The following TICRR variants were observed in gnomAD, a reference collection of about 807,000 sequenced individuals.
TICRR encodes treslin.
A neutral mutation model predicts 178.1 loss-of-function variants in TICRR; 132 were observed. The observed-to-expected ratio is 0.74, with a 90% CI of 0.64 to 0.86. The LOEUF (loss-of-function observed/expected upper bound fraction) is 0.86. TICRR is among the 40% of genes least tolerant of loss of function. The pLI is 0.00. For synonymous variants in TICRR, 991 were observed against 900.7 expected, an observed-to-expected ratio of 1.10 and a Z score of -1.79; for missense variants, 2,587 against 2,334.3, an observed-to-expected ratio of 1.11 and a Z score of -2.23.
chr15:89,624,372 C>T lies in TICRR; in HGVS notation c.4062C>T (p.Ser1354=), dbSNP rs751126704. The T allele has an allele frequency of 3.1e-6, 5 of 1,614,156 alleles. No homozygotes were observed. The South Asian group carries it at 5.5e-5, about 18-fold the overall frequency. The change falls in exon 20 of 22, where the codon TCC becomes TCT. Residue 1354 remains serine, a synonymous_variant. Transcript: ENST00000268138. ...QMSPSVAASL[S]CPVPSTPPEL... The stretch of plus-strand genomic sequence containing the variant: ...CACCCAGCGTAGCTGCATCTCTCTC[C>T]TGCCCTGTTCCCTCAACTCCCCCTG...
chr15:89,583,482 A>G (rs970076662), intron 2 of TICRR, among the ~76,000 whole-genome samples: 1 of 152,210 alleles, frequency 6.6e-6, no homozygotes, highest in Non-Finnish European at 1.5e-5. Flanking sequence ...CAGAAATAAT[A>G]CTTTATAGAG....
chr15:89,609,100 C>CTTTTT (rs59398617), intron 15 of TICRR, 151 bp downstream of exon 15: 1,063 of 84,860 alleles, frequency 0.013, 169 homozygotes, highest in East Asian at 0.028. Context: ...TTTTGTTAAT[C>CTTTTT]TTTTTTTTTT....
intron 4 of TICRR, among the ~76,000 whole-genome samples, chr15:89,589,714 A>C (rs1160099207): frequency 6.6e-6 from 1 of 152,190 alleles, no homozygotes; most frequent in Non-Finnish European, 1.5e-5. Context: ...CTGTGATGTG[A>C]AGTTTCTTTT....
At chr15:89,578,738 G>A (rs143488134) in intron 1 of TICRR, among the ~76,000 whole-genome samples, 3 of 151,578 alleles carry the variant, frequency 2.0e-5, no homozygotes, top group Admixed American at 1.3e-4. Flanking sequence ...ATGTACCGTC[G>A]ACTGAGGGGA....
At chr15:89,602,613 C>T (rs1394400496) in intron 12 of TICRR, among the ~76,000 whole-genome samples, 183 bp from the exon 13 acceptor site, 3 of 152,016 alleles carry the variant, frequency 2.0e-5, no homozygotes. Flanking sequence ...TTGTTCATAA[C>T]TGGTTGAATT....
Position 89,616,446 on chromosome 15 carries a change from G to T in TICRR, c.2911G>T (p.Val971Leu), listed in dbSNP as rs1291353449. The T allele has an allele frequency of 1.9e-6, 3 of 1,614,080 alleles. No homozygotes were observed. The highest frequency in any genetic ancestry group is 2.2e-5 in the East Asian group (1 of 44,892). Residue 971 changes from valine (V) to leucine (L), a missense_variant, in exon 16 of 22, where the codon GTG becomes TTG. Coordinates refer to ENST00000268138, the MANE Select transcript of TICRR (RefSeq NM_152259.4). ...LLTKSVAETP[V>L]HKQISKRLLH... is the part of the protein sequence containing the mutation. ...GACTAAGAGTGTGGCCGAGACTCCA[G>T]TGCATAAGCAGATCTCCAAAAGGCT...
At chr15:89,581,317 A>G (rs1030251273) in intron 1 of TICRR, among the ~76,000 whole-genome samples, 2 of 152,182 alleles carry the variant, frequency 1.3e-5, no homozygotes. Context: ...TTGTTGTTAT[A>G]CTGTGATGCC....
chr15:89,578,780 C>A lies in TICRR; in HGVS notation c.654+2540C>A, dbSNP rs146242717. On this transcript the variant is annotated intron_variant, in intron 1 of 21. Transcript: ENST00000268138. ...ATCTCTGAGGCTTCCCTTCTTACAT[C>A]GGCTGTATCCCCTAAGAAAATGCCC... Among the ~76,000 whole-genome samples the A allele has an allele frequency of 1.0e-3, 156 of 152,128 alleles. 2 individuals are homozygous for A. Among genetic ancestry groups the A allele is most frequent in the African/African-American group, 3.6e-3 (151 of 41,506 alleles).
rs375001118 is a variant in TICRR, at chr15:89,619,879, C to T, written c.3154+37C>T. 104 of 1,566,582 alleles carry T rather than the reference C, an allele frequency of 6.6e-5. No homozygotes were observed. The Middle Eastern group carries it at 1.2e-3, about 18-fold the overall frequency. ...GCCCCTCTGCCTTCACAAGTCCGTG[C>T]TGACTTGGTGAGAAGTGTTTTTGGG... is the stretch of plus-strand genomic sequence containing the variant. On this transcript the variant is annotated intron_variant, in intron 18 of 21. Coordinates refer to ENST00000268138, the MANE Select transcript of TICRR (RefSeq NM_152259.4).
At chr15:89,581,923 C>T (rs1167850477) in intron 1 of TICRR, among the ~76,000 whole-genome samples, 2 of 152,128 alleles carry the variant, frequency 1.3e-5, no homozygotes, top group Non-Finnish European at 2.9e-5. Context: ...CTGCACAGGC[C>T]TGTGGGTGGG....
rs1208794672 is a variant in TICRR, at chr15:89,621,242, A to G, written c.3155-151A>G. 2.7e-5 allele frequency: 17 copies of G among 627,214 alleles called. No individual in the cohort carries two copies. In the South Asian group the frequency reaches 4.0e-4, roughly 15 times the overall value. 38.9% of individuals were successfully genotyped at this position (627,214 alleles called of 1,614,324 possible). ...CGCTATGTTGGCCAGGCTGGTCTCG[A>G]ACTCCTGACCTCAGACCATCCACCT... On this transcript the variant is annotated intron_variant, in intron 18 of 21. Coordinates refer to ENST00000268138, the MANE Select transcript of TICRR (RefSeq NM_152259.4).
rs751002886 is a variant in TICRR, at chr15:89,626,992, ACT to A, written c.5643_5644del (p.Pro1882PhefsTer69). The A allele has an allele frequency of 6.2e-6, 10 of 1,613,486 alleles. No homozygotes were observed. The highest frequency in any genetic ancestry group is 7.6e-6 in the Non-Finnish European group (9 of 1,179,916). On this transcript the variant is annotated frameshift_variant, in exon 22 of 22. Coordinates refer to ENST00000268138, the MANE Select transcript of TICRR (RefSeq NM_152259.4). LOFTEE classifies it low-confidence loss of function (END_TRUNC). ...GATGTTCTTCCCTCCACTGTAGAAGACTCTCCTTTCAGTCGCGCTTTCTCCAG... is the reference window on the plus strand; with the variant it reads ...GATGTTCTTCCCTCCACTGTAGAAGACTCCTTTCAGTCGCGCTTTCTCCAG...
At position 89,616,422 on chromosome 15, in the gene TICRR, A is replaced by T. The variant is rs751853339; in HGVS notation, c.2887A>T (p.Thr963Ser). The T allele has an allele frequency of 3.7e-6, 6 of 1,613,922 alleles. No individual in the cohort carries two copies. The East Asian group carries it at 1.3e-4, about 36-fold the overall frequency. ...CATTTTAGGTTATCACAAACTGCTG[A>T]CTAAGAGTGTGGCCGAGACTCCAGT... The part of the protein sequence containing the change: ...KKNKGYHKLL[T>S]KSVAETPVHK... The change falls in exon 16 of 22, where the codon ACT (threonine) becomes TCT (serine). Residue 963 changes from threonine (T) to serine (S), a missense_variant. Transcript: ENST00000268138.
Position 89,624,901 on chromosome 15 carries a change from G to A in TICRR, c.4591G>A (p.Gly1531Arg), listed in dbSNP as rs1327406910. ...CCGTGACGTGCACTGTACCACAGAT[G>A]GGAGACAGTGCCAGGCTTCGGCACA... ...PSRDVHCTTD[G>R]RQCQASAQLD... Residue 1531 changes from glycine (G) to arginine (R), a missense_variant, in exon 20 of 22, where the codon GGG (glycine) becomes AGG (arginine). Gly to Arg is a moderately radical substitution (Grantham distance 125). Transcript: ENST00000268138. 1 of 1,614,092 alleles carries A rather than the reference G, an allele frequency of 6.2e-7. No individual in the cohort carries two copies. The highest frequency in any genetic ancestry group is 8.5e-7 in the Non-Finnish European group (1 of 1,180,014).
At chr15:89,583,199 T>G (rs147964308) in intron 2 of TICRR, among the ~76,000 whole-genome samples, 1 of 152,344 alleles carries the variant, frequency 6.6e-6, no homozygotes, top group Non-Finnish European at 1.5e-5. Flanking sequence ...AATGATTGAT[T>G]TTAAAGTTTA....
intron 7 of TICRR, among the ~76,000 whole-genome samples, chr15:89,596,585 G>A (rs1963002174): frequency 6.6e-6 from 1 of 152,168 alleles, no homozygotes; most frequent in African/African-American, 2.4e-5. Context: ...AACCTCAGGT[G>A]ATCAGCCTGC....
intron 4 of TICRR, among the ~76,000 whole-genome samples, chr15:89,586,278 C>A (rs1043116097): frequency 8.5e-5 from 13 of 152,116 alleles, no homozygotes; most frequent in African/African-American, 3.1e-4. Flanking sequence ...ACTACTAAAT[C>A]TACCTAGCAT....
At chr15:89,616,786 A>ATG (rs1341813295) in intron 16 of TICRR, among the ~76,000 whole-genome samples, 1 of 152,190 alleles carries the variant, frequency 6.6e-6, no homozygotes, top group East Asian at 1.9e-4. Context: ...TTTTAAATCC[A>ATG]TTCATCTGTG....
At position 89,575,700 on chromosome 15, in the gene TICRR, C is replaced by T. The variant is rs1296693661; in HGVS notation, c.114C>T (p.Phe38=). 5.0e-6 allele frequency: 8 copies of T among 1,606,496 alleles called. No homozygotes were observed. The highest frequency in any genetic ancestry group is 5.9e-6 in the Non-Finnish European group (7 of 1,177,848). ...LRLLTYLSCR[F]GLARVHWAFK... ...TCCTCACCTATCTGAGTTGCCGATT[C>T]GGCCTGGCCAGGGTCCACTGGGCCT... The change falls in exon 1 of 22, where the codon TTC becomes TTT. Residue 38 remains phenylalanine (F), a synonymous_variant. Coordinates refer to ENST00000268138, the MANE Select transcript of TICRR (RefSeq NM_152259.4).
Sources: gnomAD v4.1 joint callset for allele counts (sites outside exome capture counted in the v4.1 genomes callset) on GRCh38, gnomAD v4.1.1 for gene constraint, MANE v1.5 for transcripts, NCBI Gene and HGNC (gene_info 2026-07-23, HGNC 2026-07-21) for gene names.